The following NRXN1 variants were observed in gnomAD, a reference collection of about 807,000 sequenced individuals.
NRXN1 encodes neurexin 1, also known as neurexin-1.
A neutral mutation model predicts 150.9 loss-of-function variants in NRXN1; 39 were observed. The ratio of observed to expected loss-of-function variants is 0.26; its 90% confidence interval spans 0.20 to 0.34. NRXN1 has a LOEUF of 0.34. NRXN1 is among the 10% of genes least tolerant of loss of function. The probability of loss-of-function intolerance (pLI) is 1.00; values close to 1 mark genes in which losing one functional copy is unlikely to be tolerated. For synonymous variants in NRXN1, 924 were observed against 757.0 expected, an observed-to-expected ratio of 1.22 and a Z score of -3.62; for missense variants, 1,815 against 1,949.9, an observed-to-expected ratio of 0.93 and a Z score of 1.30.
chr2:50,084,596 C>T (rs1698521192), intron 19 of NRXN1, among the ~76,000 whole-genome samples: 1 of 152,204 alleles, frequency 6.6e-6, no homozygotes, highest in South Asian at 2.1e-4. Flanking sequence ...TCTCCCTCCA[C>T]ACCCCCCGCA....
chr2:50,330,734 TCA>T (rs2076786936), intron 17 of NRXN1, among the ~76,000 whole-genome samples: 1 of 152,228 alleles, frequency 6.6e-6, no homozygotes, highest in Admixed American at 6.5e-5. Context: ...GTTCAGTTTC[TCA>T]GAGGTTGTTT....
At chr2:49,928,620 T>G (rs1316685193) in intron 22 of NRXN1, among the ~76,000 whole-genome samples, 2 of 152,112 alleles carry the variant, frequency 1.3e-5, no homozygotes, top group East Asian at 3.9e-4. Flanking sequence ...TTTCCCCCAT[T>G]TGAAAAAAAA....
intron 21 of NRXN1, among the ~76,000 whole-genome samples, chr2:50,035,429 A>G (rs1285977241): frequency 6.6e-6 from 1 of 152,108 alleles, no homozygotes; most frequent in Admixed American, 6.6e-5. Flanking sequence ...ACTCTCAAAA[A>G]CATGCTGTTA....
chr2:50,030,048 A>T (rs1405737394), intron 21 of NRXN1, among the ~76,000 whole-genome samples: 1 of 152,166 alleles, frequency 6.6e-6, no homozygotes, highest in Non-Finnish European at 1.5e-5. Context: ...ACTATGTGTC[A>T]AGTGGGTAGC....
intron 5 of NRXN1, among the ~76,000 whole-genome samples, chr2:50,683,407 C>T (rs949608626): frequency 1.3e-5 from 2 of 149,940 alleles, no homozygotes; most frequent in African/African-American, 4.9e-5. Context: ...CCGAGGTGGG[C>T]GGATCACGAG....
intron 2 of NRXN1, among the ~76,000 whole-genome samples, chr2:50,950,233 A>G (rs1691083483): frequency 6.6e-6 from 1 of 152,204 alleles, no homozygotes; most frequent in African/African-American, 2.4e-5. Context: ...AGCTTCATAA[A>G]TACTTCAAGT....
intron 18 of NRXN1, among the ~76,000 whole-genome samples, chr2:50,103,865 C>CAAAA (rs113500100): frequency 6.7e-6 from 1 of 150,268 alleles, no homozygotes; most frequent in African/African-American, 2.4e-5. Flanking sequence ...CAGCCATTGA[C>CAAAA]CAAACAAACA....
At chr2:50,764,357 T>C (rs1453428342) in intron 5 of NRXN1, among the ~76,000 whole-genome samples, 2 of 152,026 alleles carry the variant, frequency 1.3e-5, no homozygotes, top group Non-Finnish European at 2.9e-5. Context: ...GCAAACCATA[T>C]GTACCAATAA....
At chr2:51,002,991 A>G (rs1700260752) in intron 2 of NRXN1, among the ~76,000 whole-genome samples, 1 of 151,914 alleles carries the variant, frequency 6.6e-6, no homozygotes, top group Admixed American at 6.6e-5. Flanking sequence ...TTCTATGTTC[A>G]AGCATTTATG....
intron 5 of NRXN1, among the ~76,000 whole-genome samples, chr2:50,802,557 G>C (rs1707759210): frequency 7.3e-6 from 1 of 136,762 alleles, no homozygotes; most frequent in East Asian, 2.0e-4. Context: ...AAGGAAGGAA[G>C]GAAGGAAGGA....
At chr2:50,114,294 A>G (rs1702745502) in intron 18 of NRXN1, among the ~76,000 whole-genome samples, 1 of 152,204 alleles carries the variant, frequency 6.6e-6, no homozygotes, top group African/African-American at 2.4e-5. Context: ...ATTGCAAGTT[A>G]AAACTACAGT....
intron 5 of NRXN1, among the ~76,000 whole-genome samples, chr2:50,795,699 T>G (rs1228414210): frequency 6.6e-6 from 1 of 152,128 alleles, no homozygotes; most frequent in Non-Finnish European, 1.5e-5. Context: ...TTCTCCTCCA[T>G]GTGGAACTGC....
intron 8 of NRXN1, among the ~76,000 whole-genome samples, chr2:50,583,668 G>T (rs1453024130): frequency 6.6e-6 from 1 of 152,138 alleles, no homozygotes; most frequent in South Asian, 2.1e-4. Flanking sequence ...ACCCGAAGTG[G>T]TACAGGCATT....
At chr2:50,380,025 C>A (rs987585772) in intron 17 of NRXN1, among the ~76,000 whole-genome samples, 9 of 152,104 alleles carry the variant, frequency 5.9e-5, no homozygotes, top group Non-Finnish European at 1.0e-4. Flanking sequence ...AGGATAATAT[C>A]CAATATGAGA....
At chr2:50,553,116 A>C in intron 8 of NRXN1, 91 bp from the exon 9 acceptor site, 1 of 874,658 alleles carries the variant, frequency 1.1e-6, no homozygotes, top group Non-Finnish European at 1.8e-6. Flanking sequence ...ACGACATCAT[A>C]AAAAGGCACA....
chr2:50,086,932 A>G (rs989452215), intron 19 of NRXN1, among the ~76,000 whole-genome samples: 3 of 151,642 alleles, frequency 2.0e-5, no homozygotes, highest in Non-Finnish European at 4.4e-5. Context: ...CATCTTGTTT[A>G]TTTTCTCACA....
At chr2:50,058,432 A>G (rs1361073744) in intron 19 of NRXN1, among the ~76,000 whole-genome samples, 1 of 152,230 alleles carries the variant, frequency 6.6e-6, no homozygotes, top group Admixed American at 6.5e-5. Flanking sequence ...TTTTAATTAC[A>G]GGACAGACTT....
In NRXN1 at chr2:50,347,020, A is replaced by AG; in HGVS notation, c.3365-110051dup. 1 of 1,388,016 alleles carries AG rather than the reference A, an allele frequency of 7.2e-7. No individual in the cohort carries two copies. The highest frequency in any genetic ancestry group is 9.4e-7 in the Non-Finnish European group (1 of 1,064,974). The allele number at this position is 1,388,016 out of a possible 1,614,324, so 86.0% of individuals were successfully genotyped here. ...GGGGCGCGGGGAGAGGAGAGGGCGC[A>AG]GGGGAGCGGGCGGCGCGGAGTGGGC... is the stretch of plus-strand genomic sequence containing the variant. On this transcript the variant is annotated intron_variant, in intron 17 of 22. Transcript: ENST00000401669. The surrounding 1 kb of genome is among the most constrained non-coding windows in gnomAD (Gnocchi z 4.9).
At chr2:50,530,801 A>C (rs1180886655) in intron 11 of NRXN1, among the ~76,000 whole-genome samples, 1 of 152,228 alleles carries the variant, frequency 6.6e-6, no homozygotes, top group Non-Finnish European at 1.5e-5. Context: ...CTCTTGATCT[A>C]GATAACAAAG....
Sources: gnomAD v4.1 joint callset for allele counts (sites outside exome capture counted in the v4.1 genomes callset) on GRCh38, gnomAD v4.1.1 for gene constraint, Gnocchi (gnomAD v3.1) non-coding constraint, MANE v1.5 for transcripts, NCBI Gene and HGNC (gene_info 2026-07-23, HGNC 2026-07-21) for gene names.